ZDHHC2: variants seen among roughly 807,000 people sequenced by gnomAD.
ZDHHC2 encodes the protein palmitoyltransferase ZDHHC2.
ZDHHC2 carries 51 observed loss-of-function variants against 55.6 expected under a neutral mutation model. The ratio of observed to expected loss-of-function variants is 0.92; its 90% CI spans 0.73 to 1.16. The LOEUF is 1.16. ZDHHC2 is among the 50% of genes most tolerant of loss of function. The pLI is 0.00. For synonymous variants in ZDHHC2, 199 were observed against 152.9 expected (o/e 1.30, Z -2.22); for missense variants, 491 against 442.4 (o/e 1.11, Z -0.99).
intron 1 of ZDHHC2, among the ~76,000 whole-genome samples, chr8:17,173,403 C>T (rs562179240): frequency 8.5e-5 from 13 of 152,102 alleles, no homozygotes; most frequent in South Asian, 4.2e-4. Context: ...AGGCCGGGTG[C>T]GGTGGCTCAT....
intron 1 of ZDHHC2, among the ~76,000 whole-genome samples, chr8:17,164,446 C>T (rs1415802633): frequency 1.1e-4 from 17 of 152,024 alleles, no homozygotes; most frequent in Non-Finnish European, 2.1e-4. Context: ...GTATTTCTTC[C>T]TGGTATCCTG....
rs1807894588 is a variant in ZDHHC2, at chr8:17,221,004, T to G, written c.*783T>G. ...AATTTATGATAGCAATTATGAAGAT[T>G]GTTTTATGACATTCTTTTGTCAGTT... is the stretch of plus-strand genomic sequence containing the variant. On this transcript the variant is annotated 3_prime_UTR_variant, in exon 13 of 13. Coordinates refer to ENST00000262096, the MANE Select transcript of ZDHHC2 (RefSeq NM_016353.5). 1 of 152,294 alleles carries G rather than the reference T, an allele frequency of 6.6e-6. No homozygotes were observed. Among genetic ancestry groups the G allele is most frequent in the South Asian group, 2.1e-4 (1 of 4,834 alleles). The allele number at this position is 152,294 out of a possible 1,614,324, so 9.4% of individuals were successfully genotyped here. A position where few individuals can be genotyped will look rare whatever the true frequency, so the allele number is the denominator to read the frequency against.
At chr8:17,195,377 A>G (rs1806253538) in intron 3 of ZDHHC2, 127 bp from the exon 4 acceptor site, 5 of 1,129,810 alleles carry the variant, frequency 4.4e-6, no homozygotes, top group East Asian at 2.7e-5. Context: ...TTCAAACTCT[A>G]TTGTCTCTTT....
At position 17,198,414 on chromosome 8, in the gene ZDHHC2, G is replaced by T. The variant is rs772087868; in HGVS notation, c.476+1G>T. The stretch of plus-strand genomic sequence containing the variant: ...TGAAGATGGATCATCATTGTCCATG[G>T]TGAGTTGGCTGTATATTTAAACAAG... On this transcript the variant is annotated splice_donor_variant, in intron 6 of 12. Transcript: ENST00000262096. LOFTEE classifies it high-confidence loss of function. The T allele has an allele frequency of 1.3e-6, 2 of 1,599,134 alleles. No individual in the cohort carries two copies. The highest frequency in any genetic ancestry group is 1.7e-6 in the Non-Finnish European group (2 of 1,173,334).
chr8:17,200,820 C>T (rs898999794), intron 6 of ZDHHC2, among the ~76,000 whole-genome samples: 1 of 152,196 alleles, frequency 6.6e-6, no homozygotes, highest in African/African-American at 2.4e-5. Context: ...CCTGCTGTTA[C>T]TCCACCCTTA....
chr8:17,221,692 A>G lies in ZDHHC2; in HGVS notation c.*1471A>G, dbSNP rs1807924855. ...GTTTTATATTAATTGTGCTTATGGA[A>G]GAAACAATGTCAGCCAAGTCCATTT... On this transcript the variant is annotated 3_prime_UTR_variant, in exon 13 of 13. Coordinates refer to ENST00000262096, the MANE Select transcript of ZDHHC2 (RefSeq NM_016353.5). 6.6e-6 allele frequency: 1 copy of G among 152,514 alleles called. No homozygotes were observed. Among genetic ancestry groups the G allele is most frequent in the African/African-American group, 2.4e-5 (1 of 41,442 alleles). 9.4% of individuals were successfully genotyped at this position (152,514 alleles called of 1,614,324 possible).
At chr8:17,211,664 A>G (rs7817533) in intron 10 of ZDHHC2, among the ~76,000 whole-genome samples, 50,659 of 151,894 alleles carry the variant, frequency 0.33, 9,423 homozygotes, top group East Asian at 0.73. Context: ...ATCCTTTTAA[A>G]TTGTCAAAAG....
chr8:17,189,438 G>A (rs937050725), intron 3 of ZDHHC2, among the ~76,000 whole-genome samples: 2 of 152,190 alleles, frequency 1.3e-5, no homozygotes, highest in South Asian at 2.1e-4. Context: ...GGCGTGAAAT[G>A]TATCTTTGTT....
chr8:17,188,726 T>G (rs1157904504), intron 3 of ZDHHC2, among the ~76,000 whole-genome samples: 1 of 152,192 alleles, frequency 6.6e-6, no homozygotes, highest in Non-Finnish European at 1.5e-5. Flanking sequence ...AGCCTGGTGC[T>G]TGCTAATAAA....
chr8:17,211,190 G>C (rs1446290857), intron 10 of ZDHHC2, among the ~76,000 whole-genome samples: 1 of 152,174 alleles, frequency 6.6e-6, no homozygotes, highest in Non-Finnish European at 1.5e-5. Flanking sequence ...ATTTTCAGTG[G>C]TTTGAAACAC....
chr8:17,187,288 C>T (rs1368464799), intron 3 of ZDHHC2, among the ~76,000 whole-genome samples: 4 of 152,128 alleles, frequency 2.6e-5, no homozygotes, highest in East Asian at 1.9e-4. Context: ...CCTGGTTAAA[C>T]GTTCTTGGAG....
chr8:17,208,652 A>AT (rs1259932599), intron 8 of ZDHHC2, among the ~76,000 whole-genome samples: 1 of 152,126 alleles, frequency 6.6e-6, no homozygotes, highest in African/African-American at 2.4e-5. Flanking sequence ...ATTAGTGTTC[A>AT]TTTTCAGTAT....
At position 17,156,598 on chromosome 8, in the gene ZDHHC2, G is replaced by C. The variant is rs1412207547; in HGVS notation, c.-126G>C. 1.4e-6 allele frequency: 1 copy of C among 704,760 alleles called. No homozygotes were observed. The highest frequency in any genetic ancestry group is 1.8e-6 in the Non-Finnish European group (1 of 566,994). The allele number at this position is 704,760 out of a possible 1,614,324, so 43.7% of individuals were successfully genotyped here. ...GGGAGTTAGCGCCACGGCGGCGGCA[G>C]TGGCCGCAGCGCACCCCGCCGCCGC... On this transcript the variant is annotated 5_prime_UTR_variant, in exon 1 of 13. Transcript: ENST00000262096.
intron 6 of ZDHHC2, among the ~76,000 whole-genome samples, chr8:17,199,497 T>TTCGTCG (rs1480481564): frequency 3.8e-5 from 2 of 52,630 alleles, no homozygotes; most frequent in Admixed American, 2.0e-4. Context: ...CTTCTTCTTC[T>TTCGTCG]TCTTCTTCTT....
chr8:17,160,164 C>T (rs1478187624), intron 1 of ZDHHC2, among the ~76,000 whole-genome samples: 1 of 152,142 alleles, frequency 6.6e-6, no homozygotes, highest in Admixed American at 6.5e-5. Flanking sequence ...TGAAGTTTCC[C>T]CTTTTAAGTG....
At chr8:17,197,531 A>G (rs1384746797) in intron 4 of ZDHHC2, 51 bp from the exon 5 acceptor site, 22 of 1,456,762 alleles carry the variant, frequency 1.5e-5, no homozygotes, top group Non-Finnish European at 1.9e-5. Flanking sequence ...ATTTAATTGT[A>G]TTTTCAATTC....
At chr8:17,192,407 C>T (rs1806080786) in intron 3 of ZDHHC2, among the ~76,000 whole-genome samples, 1 of 152,124 alleles carries the variant, frequency 6.6e-6, no homozygotes, top group African/African-American at 2.4e-5. Flanking sequence ...CCTGTTTGCC[C>T]TTTGTGTGTC....
chr8:17,181,346 C>T (rs1184885802), intron 1 of ZDHHC2, among the ~76,000 whole-genome samples: 1 of 152,102 alleles, frequency 6.6e-6, no homozygotes, highest in Non-Finnish European at 1.5e-5. Context: ...GAAGTTGTAA[C>T]GTTTTTGTTA....
chr8:17,215,383 T>C, intron 11 of ZDHHC2, 34 bp downstream of exon 11: 1 of 1,522,078 alleles, frequency 6.6e-7, no homozygotes, highest in African/African-American at 1.4e-5. Context: ...TTTTTTGACA[T>C]ATTTTATTTT....
Sources: gnomAD v4.1 joint callset for allele counts (sites outside exome capture counted in the v4.1 genomes callset) on GRCh38, gnomAD v4.1.1 for gene constraint, MANE v1.5 for transcripts, NCBI Gene and HGNC (gene_info 2026-07-23, HGNC 2026-07-21) for gene names.